NOL4: variants seen among roughly 807,000 people sequenced by gnomAD.
The protein encoded by NOL4 is nucleolar protein 4.
NOL4 carries 17 observed loss-of-function variants against 75.9 expected under a neutral mutation model. The ratio of observed to expected loss-of-function variants is 0.22; its 90% CI spans 0.15 to 0.34. The LOEUF (loss-of-function observed/expected upper bound fraction) is 0.34, where lower values mean the gene tolerates loss of function less well. Among genes scored for constraint, NOL4 ranks in the 10% least tolerant of loss-of-function variants. The pLI is 1.00. For synonymous variants in NOL4, 292 were observed against 289.9 expected (o/e 1.01, Z -0.07); for missense variants, 614 against 793.5 (o/e 0.77, Z 2.72).
chr18:34,044,416 T>C (rs962510636), intron 5 of NOL4, among the ~76,000 whole-genome samples: 1 of 152,030 alleles, frequency 6.6e-6, no homozygotes, highest in Admixed American at 6.6e-5. Flanking sequence ...AATGCCAAGA[T>C]CAAAAGTATA....
At chr18:34,144,827 C>T (rs2081332902) in intron 1 of NOL4, among the ~76,000 whole-genome samples, 1 of 152,130 alleles carries the variant, frequency 6.6e-6, no homozygotes, top group Non-Finnish European at 1.5e-5. Flanking sequence ...CGTTAAAAGG[C>T]TGACATGCAG....
At chr18:34,215,700 T>G (rs1240655969) in intron 1 of NOL4, among the ~76,000 whole-genome samples, 1 of 152,222 alleles carries the variant, frequency 6.6e-6, no homozygotes, top group African/African-American at 2.4e-5. Context: ...TTGGGATATC[T>G]TGGTGAAAAC....
intron 1 of NOL4, among the ~76,000 whole-genome samples, chr18:34,195,073 A>C (rs2035233673): frequency 6.6e-6 from 1 of 151,882 alleles, no homozygotes. Context: ...TATCTACCTA[A>C]ATGTGAATAT....
At chr18:33,889,594 T>C (rs774939061) in intron 9 of NOL4, among the ~76,000 whole-genome samples, 2 of 152,076 alleles carry the variant, frequency 1.3e-5, no homozygotes, top group Non-Finnish European at 2.9e-5. Context: ...AAAAAGAGAA[T>C]TTTAGGCCAA....
At chr18:34,205,358 A>C (rs779062032) in intron 1 of NOL4, among the ~76,000 whole-genome samples, 3 of 152,164 alleles carry the variant, frequency 2.0e-5, no homozygotes, top group Non-Finnish European at 2.9e-5. Flanking sequence ...TCTGCTTTCT[A>C]CGCCTCCCCA....
In NOL4 at chr18:34,093,589, A is replaced by G. The variant is rs2078627870; in HGVS notation, c.648T>C (p.Ser216=). Residue 216 remains serine, a synonymous_variant, in exon 5 of 11, where the codon AGT becomes AGC. Transcript: ENST00000261592. ...TGTCAAATTCATCACTTTCTATTGAACTTTCATCCTGAAAATAGTTTTAAA... is the reference window on the plus strand; with the variant it reads ...TGTCAAATTCATCACTTTCTATTGAGCTTTCATCCTGAAAATAGTTTTAAA... ...LLNSQQDEDE[S]SIESDEFDMS... is the part of the protein sequence containing the mutation. 1.9e-6 allele frequency: 3 copies of G among 1,581,964 alleles called. No individual in the cohort carries two copies. The South Asian group carries it at 3.4e-5, about 18-fold the overall frequency.
intron 5 of NOL4, among the ~76,000 whole-genome samples, chr18:34,076,501 G>C (rs1264481748): frequency 6.6e-6 from 1 of 152,146 alleles, no homozygotes; most frequent in East Asian, 1.9e-4. Flanking sequence ...AGACTTGAAA[G>C]AACGATGAAA....
chr18:34,172,441 G>A (rs1400250096), intron 1 of NOL4, among the ~76,000 whole-genome samples: 1 of 151,952 alleles, frequency 6.6e-6, no homozygotes, highest in African/African-American at 2.4e-5. Flanking sequence ...AGACACTTAG[G>A]TTTGTTTTCC....
At chr18:34,116,900 A>C (rs1472407346) in intron 2 of NOL4, among the ~76,000 whole-genome samples, 1 of 152,114 alleles carries the variant, frequency 6.6e-6, no homozygotes, top group Non-Finnish European at 1.5e-5. Flanking sequence ...TAATTGCAAC[A>C]ATGTTTCATT....
intron 10 of NOL4, among the ~76,000 whole-genome samples, chr18:33,857,014 A>T (rs1437113238): frequency 6.6e-6 from 1 of 151,922 alleles, no homozygotes; most frequent in Admixed American, 6.6e-5. Flanking sequence ...CTTTTTATAA[A>T]TTTTTTTCAA....
chr18:34,007,314 T>C (rs1163381578), intron 6 of NOL4, among the ~76,000 whole-genome samples: 2 of 151,966 alleles, frequency 1.3e-5, no homozygotes, highest in African/African-American at 4.8e-5. Context: ...CCCTGTGATA[T>C]AAGGTCAATT....
intron 1 of NOL4, among the ~76,000 whole-genome samples, chr18:34,203,728 C>CACACACAA (rs2035923311): frequency 6.8e-6 from 1 of 148,018 alleles, no homozygotes; most frequent in Non-Finnish European, 1.5e-5. Context: ...CACACACACA[C>CACACACAA]ACACACACAC....
chr18:34,085,567 G>C (rs2078206197), intron 5 of NOL4, among the ~76,000 whole-genome samples: 1 of 152,120 alleles, frequency 6.6e-6, no homozygotes, highest in Non-Finnish European at 1.5e-5. Context: ...GGTGTGGCAA[G>C]TTTGAGCCTG....
At chr18:33,944,730 G>T (rs1317238373) in intron 8 of NOL4, among the ~76,000 whole-genome samples, 2 of 151,772 alleles carry the variant, frequency 1.3e-5, no homozygotes, top group Non-Finnish European at 2.9e-5. Context: ...CCAGGACTGG[G>T]TATTTGTAAT....
At chr18:33,909,202 T>C (rs1308911537) in intron 9 of NOL4, among the ~76,000 whole-genome samples, 1 of 152,124 alleles carries the variant, frequency 6.6e-6, no homozygotes, top group African/African-American at 2.4e-5. Flanking sequence ...TGAAATATAT[T>C]ACTCCACCTC....
At chr18:33,961,129 T>C (rs1166956140) in intron 6 of NOL4, among the ~76,000 whole-genome samples, 1 of 145,104 alleles carries the variant, frequency 6.9e-6, no homozygotes, top group Non-Finnish European at 1.6e-5. Flanking sequence ...AATATATACA[T>C]AATAATAATA....
chr18:34,104,342 T>C (rs996988141), intron 3 of NOL4, among the ~76,000 whole-genome samples, 183 bp from the exon 4 acceptor site: 8 of 152,056 alleles, frequency 5.3e-5, no homozygotes, highest in Admixed American at 6.6e-5. Context: ...GTATTGACAC[T>C]GTTTAACAGT....
chr18:33,861,437 A>G, intron 10 of NOL4, among the ~76,000 whole-genome samples: 1 of 152,174 alleles, frequency 6.6e-6, no homozygotes, highest in Non-Finnish European at 1.5e-5. Flanking sequence ...TGTTTGTAGT[A>G]TTCTCTGATG....
At chr18:34,141,031 C>A (rs139336959) in intron 1 of NOL4, among the ~76,000 whole-genome samples, 2,954 of 152,154 alleles carry the variant, frequency 0.019, 110 homozygotes, top group African/African-American at 0.067. Context: ...CATTCTTATA[C>A]ACCAATAATA....
Sources: allele counts gnomAD v4.1 joint callset (sites outside exome capture counted in the v4.1 genomes callset), GRCh38; gene constraint gnomAD v4.1.1; transcripts MANE v1.5; gene names NCBI Gene and HGNC (gene_info 2026-07-23, HGNC 2026-07-21).